The following THSD7A variants were observed in gnomAD, a reference collection of about 807,000 sequenced individuals.
The protein encoded by THSD7A is thrombospondin type 1 domain containing 7A.
Under a neutral mutation model 231.3 loss-of-function variants are expected in THSD7A, and 96 were observed. The ratio of observed to expected loss-of-function variants is 0.41; its 90% CI spans 0.35 to 0.49. The LOEUF is 0.49. Among genes scored for constraint, THSD7A ranks in the 20% least tolerant of loss-of-function variants. THSD7A has a pLI of 0.05. For synonymous variants in THSD7A, 940 were observed against 743.3 expected (o/e 1.26, Z -4.30); for missense variants, 2,290 against 2,070.2 (o/e 1.11, Z -2.06).
chr7:11,731,400 G>T (rs1781727291), intron 1 of THSD7A, among the ~76,000 whole-genome samples: 2 of 151,556 alleles, frequency 1.3e-5, no homozygotes, highest in South Asian at 2.1e-4. Context: ...ACTTGGAAGA[G>T]ATTTGTCAAG....
At chr7:11,819,574 T>C (rs528866917) in intron 1 of THSD7A, among the ~76,000 whole-genome samples, 1 of 152,288 alleles carries the variant, frequency 6.6e-6, no homozygotes, top group East Asian at 1.9e-4. Flanking sequence ...AAAGGCTACA[T>C]ACGGTATGAT....
intron 1 of THSD7A, among the ~76,000 whole-genome samples, chr7:11,748,085 T>C (rs28414693): frequency 0.027 from 4,052 of 152,070 alleles, 199 homozygotes; most frequent in African/African-American, 0.093. Context: ...ATATTTCTTG[T>C]ATTTTTAAAG....
At chr7:11,749,407 C>A (rs1176655302) in intron 1 of THSD7A, among the ~76,000 whole-genome samples, 1 of 151,968 alleles carries the variant, frequency 6.6e-6, no homozygotes, top group East Asian at 1.9e-4. Flanking sequence ...TTCTATCATT[C>A]TTCCCTAGTC....
intron 1 of THSD7A, among the ~76,000 whole-genome samples, chr7:11,674,189 C>A (rs1215299715): frequency 6.6e-6 from 1 of 151,992 alleles, no homozygotes; most frequent in Non-Finnish European, 1.5e-5. Context: ...CTGGGTACAG[C>A]TCTAGTCACT....
chr7:11,762,624 T>C (rs1782902511), intron 1 of THSD7A, among the ~76,000 whole-genome samples: 1 of 152,214 alleles, frequency 6.6e-6, no homozygotes, highest in African/African-American at 2.4e-5. Context: ...TCCTTATAAG[T>C]TCTGGATATT....
rs757646206 is a variant in THSD7A, at chr7:11,636,776, G to A, written c.376C>T (p.Leu126=). The part of the protein sequence containing the change: ...DWHKELYDWR[L]GPWNQCQPVI... ...GGCTGACACTGATTCCAAGGTCCCA[G>A]TCTCCAGTCGTACAACTCTTTGTGC... The change falls in exon 2 of 28, where the codon CTG becomes TTG. Residue 126 remains leucine (L), a synonymous_variant. Transcript: ENST00000423059. This position sits in a 1 kb window ranked among gnomAD's most constrained non-coding sequence, Gnocchi z 10.0. 1 of 1,613,850 alleles carries A rather than the reference G, an allele frequency of 6.2e-7. No homozygotes were observed. Among genetic ancestry groups the A allele is most frequent in the African/African-American group, 1.3e-5 (1 of 74,926 alleles).
intron 4 of THSD7A, among the ~76,000 whole-genome samples, chr7:11,586,354 A>G (rs1187393495): frequency 6.6e-6 from 1 of 152,190 alleles, no homozygotes; most frequent in South Asian, 2.1e-4. Context: ...ATTTTTAGCA[A>G]AATAGAAAGT....
At chr7:11,546,376 G>A (rs1010769073) in intron 4 of THSD7A, among the ~76,000 whole-genome samples, 4 of 152,136 alleles carry the variant, frequency 2.6e-5, no homozygotes, top group African/African-American at 9.7e-5. Flanking sequence ...CTCAGCCCTT[G>A]CAGTACAGCA....
chr7:11,494,526 C>A (rs1399254457), intron 6 of THSD7A, among the ~76,000 whole-genome samples: 1 of 151,894 alleles, frequency 6.6e-6, no homozygotes, highest in Non-Finnish European at 1.5e-5. Flanking sequence ...ATTAGTTATA[C>A]ACTGATTATT....
chr7:11,571,456 A>G (rs1790625949), intron 4 of THSD7A, among the ~76,000 whole-genome samples: 2 of 152,142 alleles, frequency 1.3e-5, no homozygotes, highest in Admixed American at 1.3e-4. Context: ...ATTTGTTGAG[A>G]GCTTAGTATG....
chr7:11,745,308 A>G (rs963604120), intron 1 of THSD7A, among the ~76,000 whole-genome samples: 1 of 151,688 alleles, frequency 6.6e-6, no homozygotes, highest in African/African-American at 2.4e-5. Flanking sequence ...TTTTCTTGTA[A>G]ATTTGTTTGA....
At chr7:11,529,026 T>G (rs1373606817) in intron 6 of THSD7A, among the ~76,000 whole-genome samples, 2 of 152,160 alleles carry the variant, frequency 1.3e-5, no homozygotes, top group Non-Finnish European at 2.9e-5. Context: ...GCTTGTTGTC[T>G]TCTAAAAACA....
intron 4 of THSD7A, among the ~76,000 whole-genome samples, chr7:11,580,596 G>A (rs1424302698): frequency 2.6e-5 from 4 of 152,160 alleles, no homozygotes; most frequent in Non-Finnish European, 5.9e-5. Context: ...CATGGATGGA[G>A]CTGGAGACCA....
intron 1 of THSD7A, among the ~76,000 whole-genome samples, chr7:11,654,775 T>C (rs780676129): frequency 6.6e-6 from 1 of 151,906 alleles, no homozygotes; most frequent in East Asian, 1.9e-4. Context: ...TTTCGCTTGA[T>C]TGAAAAATCA....
intron 10 of THSD7A, 43 bp from the exon 11 acceptor site, chr7:11,460,808 T>C (rs371657309): frequency 6.6e-7 from 1 of 1,522,092 alleles, no homozygotes; most frequent in East Asian, 2.3e-5. Context: ...GAAGCAAAAA[T>C]GCCAGCAAAT....
intron 22 of THSD7A, among the ~76,000 whole-genome samples, chr7:11,402,173 C>T (rs1783429282): frequency 1.3e-5 from 2 of 152,128 alleles, no homozygotes; most frequent in African/African-American, 4.8e-5. Context: ...ATGGCTATTA[C>T]TGGTCTATGT....
intron 1 of THSD7A, among the ~76,000 whole-genome samples, chr7:11,807,434 A>G (rs540310816): frequency 6.6e-6 from 1 of 152,192 alleles, no homozygotes; most frequent in Non-Finnish European, 1.5e-5. Flanking sequence ...TTATTTTTGT[A>G]GTATTAATCA....
intron 23 of THSD7A, among the ~76,000 whole-genome samples, chr7:11,387,284 T>C (rs1782787418): frequency 6.6e-6 from 1 of 152,194 alleles, no homozygotes; most frequent in Admixed American, 6.5e-5. Context: ...TAGCACTGAA[T>C]CTGTAAATTA....
intron 24 of THSD7A, among the ~76,000 whole-genome samples, chr7:11,382,205 A>G (rs1005204443): frequency 5.3e-5 from 8 of 152,166 alleles, no homozygotes; most frequent in African/African-American, 1.9e-4. Flanking sequence ...ACATATAGTA[A>G]GTTACTCATA....
Sources: allele counts gnomAD v4.1 joint callset (sites outside exome capture counted in the v4.1 genomes callset), GRCh38; gene constraint gnomAD v4.1.1; non-coding constraint Gnocchi (gnomAD v3.1); transcripts MANE v1.5; gene names NCBI Gene and HGNC (gene_info 2026-07-23, HGNC 2026-07-21).